The following RGS7 variants were observed in gnomAD, a reference collection of about 807,000 sequenced individuals.
RGS7 encodes regulator of G-protein signaling 7.
A neutral mutation model predicts 81.1 loss-of-function variants in RGS7; 27 were observed. The observed-to-expected ratio is 0.33, with a 90% CI of 0.25 to 0.46. The LOEUF is 0.46. RGS7 is among the 20% of genes least tolerant of loss of function. The pLI, the probability that RGS7 is intolerant of heterozygous loss-of-function variation, is 1.00. For missense variants in RGS7, 396 were observed against 607.4 expected, an observed-to-expected ratio of 0.65 and a Z score of 3.66; for synonymous variants, 208 against 207.7, an observed-to-expected ratio of 1.00 and a Z score of -0.01.
chr1:241,200,100 C>CT (rs1279795371), intron 2 of RGS7, among the ~76,000 whole-genome samples: 7 of 152,062 alleles, frequency 4.6e-5, no homozygotes, highest in Non-Finnish European at 7.4e-5. Context: ...GCCTTGGTTC[C>CT]TTCAGTTAAG....
chr1:241,228,398 C>T (rs995652122), intron 2 of RGS7, among the ~76,000 whole-genome samples: 6 of 151,962 alleles, frequency 3.9e-5, no homozygotes, highest in African/African-American at 1.5e-4. Context: ...TAGATAAAAT[C>T]CACTAGGTTA....
intron 6 of RGS7, among the ~76,000 whole-genome samples, chr1:240,900,159 C>T (rs574548436): frequency 1.3e-4 from 20 of 152,244 alleles, no homozygotes; most frequent in Admixed American, 3.9e-4. Context: ...GTCTTCTCTA[C>T]GCTGTTTATT....
chr1:241,121,001 G>A (rs2066219133), intron 2 of RGS7, among the ~76,000 whole-genome samples: 1 of 152,144 alleles, frequency 6.6e-6, no homozygotes, highest in Admixed American at 6.5e-5. Context: ...AGAAAGCTTT[G>A]CTCCAGGTCT....
chr1:241,064,183 C>CAA (rs140883852), intron 3 of RGS7, among the ~76,000 whole-genome samples: 10 of 78,152 alleles, frequency 1.3e-4, no homozygotes, highest in East Asian at 4.0e-4. Flanking sequence ...AACTCAGTTT[C>CAA]AAAAAAAAAA....
chr1:240,988,400 C>A (rs1685986297), intron 3 of RGS7, among the ~76,000 whole-genome samples: 2 of 151,930 alleles, frequency 1.3e-5, no homozygotes, highest in Non-Finnish European at 2.9e-5. Flanking sequence ...TAAAACACTG[C>A]AGAATTTCTG....
intron 3 of RGS7, among the ~76,000 whole-genome samples, chr1:240,994,758 A>G (rs908435870): frequency 3.9e-5 from 6 of 152,018 alleles, no homozygotes. Flanking sequence ...TCACTCTTTT[A>G]CAACTACATA....
chr1:240,805,305 G>A (rs1311147989), intron 15 of RGS7, among the ~76,000 whole-genome samples: 3 of 152,134 alleles, frequency 2.0e-5, no homozygotes, highest in African/African-American at 4.8e-5. Context: ...GATTGCTTAA[G>A]CCTGGGAGGC....
chr1:240,936,125 G>C (rs1392419859), intron 5 of RGS7, among the ~76,000 whole-genome samples: 1 of 151,796 alleles, frequency 6.6e-6, no homozygotes, highest in Non-Finnish European at 1.5e-5. Flanking sequence ...TTGCAGTTGA[G>C]TGCACACACA....
chr1:241,025,194 G>A lies in RGS7; in HGVS notation c.176-42065C>T, dbSNP rs537562340. On this transcript the variant is annotated intron_variant, in intron 3 of 18. Coordinates refer to ENST00000440928, the MANE Select transcript of RGS7 (RefSeq NM_001364886.1). ...AGGAGTTGAGGATACTAGCTTTCAA[G>A]GAAAGTACAAAATACACAATGGTGT... 5.9e-5 allele frequency among the ~76,000 whole-genome samples: 9 copies of A among 152,296 alleles called. No homozygotes were observed. The South Asian group carries it at 1.9e-3, about 32-fold the overall frequency.
intron 3 of RGS7, among the ~76,000 whole-genome samples, chr1:241,028,791 C>T (rs1433348210): frequency 1.3e-5 from 2 of 152,058 alleles, no homozygotes; most frequent in Non-Finnish European, 2.9e-5. Flanking sequence ...AGAGGATCAC[C>T]ATCTGGGTAG....
At position 240,826,832 on chromosome 1, in the gene RGS7, C is replaced by T. The variant is rs1369874574; in HGVS notation, c.684+266G>A. ...TTTCCTCAGGTTTTAAAATGCCCTT[C>T]TCTCATCAGTATCAGGTTTTCTAAA... On this transcript the variant is annotated intron_variant, in intron 10 of 18. Transcript: ENST00000440928. Among the ~76,000 whole-genome samples the T allele has an allele frequency of 1.8e-4, 27 of 148,816 alleles. 1 individual carries two copies. Among genetic ancestry groups the T allele is most frequent in the Admixed American group, 1.8e-3 (27 of 15,074 alleles).
intron 3 of RGS7, among the ~76,000 whole-genome samples, chr1:240,989,512 C>T (rs1256819828): frequency 2.0e-5 from 3 of 151,988 alleles, no homozygotes; most frequent in African/African-American, 7.3e-5. Context: ...GGCCCACTTC[C>T]TCAGATCCTC....
intron 6 of RGS7, among the ~76,000 whole-genome samples, chr1:240,875,003 T>A: frequency 6.6e-6 from 1 of 151,802 alleles, no homozygotes; most frequent in Admixed American, 6.6e-5. Context: ...GATCCCACCA[T>A]TGCACTCCAG....
chr1:240,878,339 G>A lies in RGS7; in HGVS notation c.386-8220C>T, dbSNP rs564326556. Among the ~76,000 whole-genome samples the A allele has an allele frequency of 2.0e-5, 3 of 152,234 alleles. No homozygotes were observed. The East Asian group carries it at 5.8e-4, about 29-fold the overall frequency. On this transcript the variant is annotated intron_variant, in intron 6 of 18. Coordinates refer to ENST00000440928, the MANE Select transcript of RGS7 (RefSeq NM_001364886.1). ...GAATGTCACCTCCACCAGGACAGAG[G>A]TTTGCCTATTCTGTTCACCAATCAA...
chr1:241,189,515 T>A (rs2072422687), intron 2 of RGS7, among the ~76,000 whole-genome samples: 1 of 152,230 alleles, frequency 6.6e-6, no homozygotes, highest in African/African-American at 2.4e-5. Flanking sequence ...CAAAAGGTTT[T>A]AATTTTGATA....
chr1:241,253,567 A>G (rs2076927594), intron 2 of RGS7, among the ~76,000 whole-genome samples: 1 of 152,198 alleles, frequency 6.6e-6, no homozygotes. Context: ...ACGATGAAAT[A>G]GCTCTCCCTC....
intron 2 of RGS7, among the ~76,000 whole-genome samples, chr1:241,299,455 T>C (rs1036696218): frequency 3.3e-5 from 5 of 152,046 alleles, no homozygotes; most frequent in Admixed American, 6.6e-5. Context: ...AAGCCAACTA[T>C]CTTGAACAAT....
chr1:241,175,767 G>A (rs967648652), intron 2 of RGS7, among the ~76,000 whole-genome samples: 3 of 152,156 alleles, frequency 2.0e-5, no homozygotes, highest in South Asian at 2.1e-4. Flanking sequence ...TTTATTTAGC[G>A]ATGGGAGCAG....
chr1:241,221,586 A>C (rs938216730), intron 2 of RGS7, among the ~76,000 whole-genome samples: 3 of 152,234 alleles, frequency 2.0e-5, no homozygotes, highest in African/African-American at 7.2e-5. Context: ...TAAGTAGTTA[A>C]ACATTATTCT....
Sources: gnomAD v4.1 joint callset for allele counts (sites outside exome capture counted in the v4.1 genomes callset) on GRCh38, gnomAD v4.1.1 for gene constraint, MANE v1.5 for transcripts, NCBI Gene and HGNC (gene_info 2026-07-23, HGNC 2026-07-21) for gene names.